The following ETFDH variants were observed in gnomAD, a reference collection of about 807,000 sequenced individuals.
The protein encoded by ETFDH is electron transfer flavoprotein-ubiquinone oxidoreductase, mitochondrial.
ETFDH carries 61 observed loss-of-function variants against 73.2 expected under a neutral mutation model. The ratio of observed to expected loss-of-function variants is 0.83; its 90% CI spans 0.68 to 1.03. The LOEUF is 1.03. Ranked by LOEUF, ETFDH falls within the 50% of genes least tolerant of loss-of-function variation. The pLI is 0.00. For synonymous variants in ETFDH, 243 were observed against 253.3 expected (o/e 0.96, Z 0.39); for missense variants, 685 against 745.0 (o/e 0.92, Z 0.94).
chr4:158,692,070 G>C (rs969899003), intron 6 of ETFDH, among the ~76,000 whole-genome samples: 15 of 152,180 alleles, frequency 9.9e-5, no homozygotes, highest in African/African-American at 3.4e-4. Flanking sequence ...TCTTCCAGCA[G>C]ATTTTCTCCT....
Position 158,689,627 on chromosome 4 carries a change from TATATATATA to T in ETFDH, c.607-720_607-712del, listed in dbSNP as rs1561242386. Among the ~76,000 whole-genome samples the T allele has an allele frequency of 1.9e-3, 230 of 118,290 alleles. 10 individuals carry two copies. In the Middle Eastern group the frequency reaches 0.022, roughly 11 times the overall value. 77.6% of individuals were successfully genotyped at this position (118,290 alleles called of 152,430 possible). ...ATATATATATATATATATATATATA[TATATATATA>T]TTGTGGGGGGGTGGGTTCATATCCA... On this transcript the variant is annotated intron_variant, in intron 5 of 12. Transcript: ENST00000511912.
chr4:158,707,161 G>GTT (rs1561252087), intron 12 of ETFDH, among the ~76,000 whole-genome samples: 1 of 152,078 alleles, frequency 6.6e-6, no homozygotes, highest in African/African-American at 2.4e-5. Context: ...CAGCTCATCT[G>GTT]TATGTATTTG....
At chr4:158,698,933 T>A (rs1357092802) in intron 8 of ETFDH, 54 bp from the exon 9 acceptor site, 1 of 1,285,406 alleles carries the variant, frequency 7.8e-7, no homozygotes, top group East Asian at 2.4e-5. Context: ...ACATTTTAGC[T>A]TGATTTAATT....
In ETFDH at chr4:158,682,028, A is replaced by G. The variant is rs145567863; in HGVS notation, c.176-167A>G. The G allele has an allele frequency of 5.7e-5, 49 of 853,726 alleles. No homozygotes were observed. In the African/African-American group the frequency reaches 7.0e-4, roughly 12 times the overall value. The allele number at this position is 853,726 out of a possible 1,614,324, so 52.9% of individuals were successfully genotyped here. A position where few individuals can be genotyped will look rare whatever the true frequency, so the allele number is the denominator to read the frequency against. On this transcript the variant is annotated intron_variant, in intron 2 of 12. Transcript: ENST00000511912. Reference sequence around the variant, plus strand: ...GTATGTACTGGAACAGAACCTAAGAATATAATCATACTAATACAGTAATAT... The same window carrying G: ...GTATGTACTGGAACAGAACCTAAGAGTATAATCATACTAATACAGTAATAT...
At position 158,682,324 on chromosome 4, in the gene ETFDH, T is replaced by C; in HGVS notation, c.305T>C (p.Leu102Pro). The change falls in exon 3 of 13, where the codon CTA becomes CCA. Residue 102 changes from leucine to proline, a missense_variant. Physicochemically the swap from Leu to Pro is moderately conservative, Grantham distance 98. Coordinates refer to ENST00000511912, the MANE Select transcript of ETFDH (RefSeq NM_004453.4). The part of the protein sequence containing the change: ...VAHEKDIRVC[L>P]VEKAAQIGAH... ...CATGAAAAGGACATCCGTGTGTGTC[T>C]AGTGGAGAAAGCTGCCCAGATAGGA... The C allele has an allele frequency of 6.2e-7, 1 of 1,614,126 alleles. No individual in the cohort carries two copies. The highest frequency in any genetic ancestry group is 8.5e-7 in the Non-Finnish European group (1 of 1,179,992).
At chr4:158,678,908 G>A (rs559344423) in intron 1 of ETFDH, among the ~76,000 whole-genome samples, 4 of 152,070 alleles carry the variant, frequency 2.6e-5, no homozygotes, top group South Asian at 4.2e-4. Flanking sequence ...CAGTCCTCCC[G>A]CCTTAGCTGA....
chr4:158,680,181 C>T (rs945102282), intron 1 of ETFDH: 11 of 242,986 alleles, frequency 4.5e-5, no homozygotes, highest in Non-Finnish European at 8.9e-5. Flanking sequence ...TGACCTAACA[C>T]GGTGATTATA....
chr4:158,677,152 A>T (rs551535040), intron 1 of ETFDH, among the ~76,000 whole-genome samples: 2 of 152,346 alleles, frequency 1.3e-5, no homozygotes, highest in South Asian at 4.1e-4. Context: ...TTGATGAAAA[A>T]GCCAAACTCC....
At chr4:158,690,689 A>AAG (rs1554032180) in intron 6 of ETFDH, among the ~76,000 whole-genome samples, 6 of 151,632 alleles carry the variant, frequency 4.0e-5, no homozygotes, top group Admixed American at 6.6e-5. Context: ...TCTTAAAAAA[A>AAG]AAGAAGAAGA....
At chr4:158,679,394 C>T (rs1773788338) in intron 1 of ETFDH, 2 of 151,970 alleles carry the variant, frequency 1.3e-5, no homozygotes, top group East Asian at 1.9e-4. Context: ...GAGAGATAAG[C>T]CTTCTCATCC....
intron 8 of ETFDH, 67 bp downstream of exon 8, chr4:158,697,766 A>G (rs1774350947): frequency 2.1e-6 from 3 of 1,420,528 alleles, no homozygotes; most frequent in Non-Finnish European, 3.0e-6. Flanking sequence ...GTTATAAAAT[A>G]AGGGTTTTGA....
chr4:158,688,456 T>G (rs1580403909), intron 5 of ETFDH, among the ~76,000 whole-genome samples: 1 of 145,840 alleles, frequency 6.9e-6, no homozygotes, highest in Non-Finnish European at 1.5e-5. Context: ...AAGGCTGAGG[T>G]GGGCGGATCA....
chr4:158,674,291 G>A (rs1773659482), intron 1 of ETFDH, among the ~76,000 whole-genome samples: 1 of 151,666 alleles, frequency 6.6e-6, no homozygotes, highest in Admixed American at 6.6e-5. Context: ...AAAAAGTGTT[G>A]CCAATATAGT....
intron 5 of ETFDH, among the ~76,000 whole-genome samples, 192 bp downstream of exon 5, chr4:158,685,411 T>G (rs935591259): frequency 6.6e-6 from 1 of 152,194 alleles, no homozygotes; most frequent in Non-Finnish European, 1.5e-5. Context: ...CCCCATCAAG[T>G]GATTATCCAA....
At chr4:158,699,226 TTGGAA>T (rs1201483790) in intron 9 of ETFDH, 96 bp downstream of exon 9, 4 of 1,030,352 alleles carry the variant, frequency 3.9e-6, no homozygotes, top group Non-Finnish European at 6.0e-6. Flanking sequence ...AAAAACAATA[TTGGAA>T]TAGGAAAAGT....
At chr4:158,674,090 A>G (rs1280940358) in intron 1 of ETFDH, among the ~76,000 whole-genome samples, 1 of 152,224 alleles carries the variant, frequency 6.6e-6, no homozygotes, top group African/African-American at 2.4e-5. Flanking sequence ...ATAGTTTGTC[A>G]TATGTCAGTC....
At chr4:158,682,114 CA>C in intron 2 of ETFDH, 80 bp from the exon 3 acceptor site, 11 of 1,591,702 alleles carry the variant, frequency 6.9e-6, no homozygotes, top group Non-Finnish European at 9.5e-6. Flanking sequence ...CTCTAAAGCA[CA>C]GTGGATATTT....
At chr4:158,696,722 G>A (rs941251997) in intron 7 of ETFDH, among the ~76,000 whole-genome samples, 1 of 152,146 alleles carries the variant, frequency 6.6e-6, no homozygotes, top group African/African-American at 2.4e-5. Flanking sequence ...TCTGAAAAGA[G>A]GGTGAACAAT....
chr4:158,684,495 T>C (rs1183291958), intron 3 of ETFDH, 97 bp from the exon 4 acceptor site: 10 of 705,346 alleles, frequency 1.4e-5, no homozygotes, highest in Non-Finnish European at 2.4e-5. Flanking sequence ...GGGAGTTCTT[T>C]TTTTGTCATC....
Sources: allele counts gnomAD v4.1 joint callset (sites outside exome capture counted in the v4.1 genomes callset), GRCh38; gene constraint gnomAD v4.1.1; transcripts MANE v1.5; gene names NCBI Gene and HGNC (gene_info 2026-07-23, HGNC 2026-07-21).